Variants in TIAM1 observed in about 807,000 individuals in gnomAD.
TIAM1 encodes rho guanine nucleotide exchange factor TIAM1.
Under a neutral mutation model 163.5 loss-of-function variants are expected in TIAM1, and 65 were observed. That is an observed-to-expected ratio of 0.40 (90% CI 0.33 to 0.49). The LOEUF (loss-of-function observed/expected upper bound fraction) is 0.49. Among genes scored for constraint, TIAM1 ranks in the 20% least tolerant of loss-of-function variants. The pLI, the probability that TIAM1 is intolerant of heterozygous loss-of-function variation, is 0.77. For missense variants in TIAM1, 1,789 were observed against 2,044.7 expected (o/e 0.87, Z 2.41); for synonymous variants, 833 against 810.1 (o/e 1.03, Z -0.48).
intron 1 of TIAM1, among the ~76,000 whole-genome samples, chr21:31,516,704 G>T (rs1212818359): frequency 2.0e-5 from 3 of 150,014 alleles, no homozygotes; most frequent in Non-Finnish European, 4.4e-5. Flanking sequence ...AGAAAAGATA[G>T]ATAAAAATCA....
chr21:31,462,486 A>C (rs970740397), intron 2 of TIAM1, among the ~76,000 whole-genome samples: 5 of 152,214 alleles, frequency 3.3e-5, no homozygotes, highest in African/African-American at 1.2e-4. Context: ...AACCAAGTCG[A>C]GAGATATTAG....
In TIAM1 at chr21:31,184,378, T is replaced by C. The variant is rs58168317; in HGVS notation, c.2663-1733A>G. ...ACCTTGGCCTCCCAAAGTGCTGGGATTACAGGTGTGAGCCACCGTGCCCGG... is the reference window on the plus strand; with the variant it reads ...ACCTTGGCCTCCCAAAGTGCTGGGACTACAGGTGTGAGCCACCGTGCCCGG... On this transcript the variant is annotated intron_variant, in intron 14 of 27. Transcript: ENST00000541036. 2.0e-3 allele frequency among the ~76,000 whole-genome samples: 311 copies of C among 152,298 alleles called. 3 individuals are homozygous for C. Among genetic ancestry groups the C allele is most frequent in the African/African-American group, 6.9e-3 (286 of 41,558 alleles).
chr21:31,315,598 C>G (rs1359441135), intron 2 of TIAM1, among the ~76,000 whole-genome samples: 1 of 147,186 alleles, frequency 6.8e-6, no homozygotes, highest in Non-Finnish European at 1.5e-5. Context: ...TCACTTGAAC[C>G]AGGGAGGCGG....
At chr21:31,193,745 A>T (rs1601494326) in intron 13 of TIAM1, among the ~76,000 whole-genome samples, 2 of 152,216 alleles carry the variant, frequency 1.3e-5, no homozygotes, top group South Asian at 4.1e-4. Flanking sequence ...TGTAAAATCA[A>T]GCTGCACACA....
At chr21:31,425,560 T>C (rs1377760993) in intron 2 of TIAM1, among the ~76,000 whole-genome samples, 1 of 151,774 alleles carries the variant, frequency 6.6e-6, no homozygotes, top group African/African-American at 2.4e-5. Flanking sequence ...AACAAACTCC[T>C]ACATGATGCT....
At chr21:31,437,280 A>G (rs138004320) in intron 2 of TIAM1, among the ~76,000 whole-genome samples, 1 of 152,172 alleles carries the variant, frequency 6.6e-6, no homozygotes, top group East Asian at 1.9e-4. Context: ...TGTAATCCTA[A>G]GGATTGCTTG....
At chr21:31,218,768 T>A (rs967847269) in intron 8 of TIAM1, among the ~76,000 whole-genome samples, 16 of 152,098 alleles carry the variant, frequency 1.1e-4, no homozygotes, top group African/African-American at 3.1e-4. Context: ...CGCTATCCTA[T>A]CTGTTTTCTT....
At chr21:31,494,251 G>A (rs535670622) in intron 1 of TIAM1, among the ~76,000 whole-genome samples, 1 of 152,154 alleles carries the variant, frequency 6.6e-6, no homozygotes, top group African/African-American at 2.4e-5. Context: ...TACAGGCTCT[G>A]AACACACATA....
chr21:31,458,077 C>T (rs1187249516), intron 2 of TIAM1, among the ~76,000 whole-genome samples: 1 of 152,118 alleles, frequency 6.6e-6, no homozygotes, highest in Non-Finnish European at 1.5e-5. Flanking sequence ...AGTCAGACAC[C>T]TTGTATTACA....
intron 15 of TIAM1, among the ~76,000 whole-genome samples, chr21:31,180,662 T>C (rs926633483): frequency 2.6e-5 from 4 of 152,206 alleles, no homozygotes; most frequent in Non-Finnish European, 4.4e-5. Context: ...TAACATAATA[T>C]GTCTCATTCA....
At chr21:31,179,902 ATTTT>A (rs764892757) in intron 15 of TIAM1, among the ~76,000 whole-genome samples, 4 of 131,250 alleles carry the variant, frequency 3.0e-5, no homozygotes, top group African/African-American at 3.0e-5. Context: ...ACATACACAG[ATTTT>A]TTTTTTTTTT....
At chr21:31,131,001 C>T in intron 23 of TIAM1, 53 bp from the exon 24 acceptor site, 1 of 1,507,290 alleles carries the variant, frequency 6.6e-7, no homozygotes, top group African/African-American at 1.4e-5. Context: ...AGGGTTTTCC[C>T]CTTGACATCA....
chr21:31,512,621 T>TC (rs200041583), intron 1 of TIAM1, among the ~76,000 whole-genome samples: 8 of 129,726 alleles, frequency 6.2e-5, no homozygotes, highest in African/African-American at 7.8e-5. Flanking sequence ...TCTTTTCTTT[T>TC]TTTTTTTTTT....
At chr21:31,337,046 A>G (rs2075863593) in intron 2 of TIAM1, among the ~76,000 whole-genome samples, 1 of 152,210 alleles carries the variant, frequency 6.6e-6, no homozygotes, top group Non-Finnish European at 1.5e-5. Flanking sequence ...TCAAGAGACT[A>G]GACTCCATAG....
At chr21:31,408,319 T>G (rs1395966164) in intron 2 of TIAM1, among the ~76,000 whole-genome samples, 1 of 152,152 alleles carries the variant, frequency 6.6e-6, no homozygotes, top group Non-Finnish European at 1.5e-5. Flanking sequence ...AAAATTTAGG[T>G]CACTGACATC....
At chr21:31,187,601 A>G (rs2146462921) in intron 13 of TIAM1, among the ~76,000 whole-genome samples, 1 of 152,316 alleles carries the variant, frequency 6.6e-6, no homozygotes, top group East Asian at 1.9e-4. Flanking sequence ...AATGTGAATT[A>G]CACATTACAG....
At chr21:31,463,054 C>T (rs559263359) in intron 2 of TIAM1, among the ~76,000 whole-genome samples, 28 of 152,040 alleles carry the variant, frequency 1.8e-4, no homozygotes, top group South Asian at 8.3e-4. Context: ...CAGCCTGCCT[C>T]TTCTTATGTC....
intron 6 of TIAM1, among the ~76,000 whole-genome samples, chr21:31,226,580 G>C (rs1408434802): frequency 6.6e-6 from 1 of 152,126 alleles, no homozygotes; most frequent in Non-Finnish European, 1.5e-5. Context: ...AAAATGGTGA[G>C]CGACACCCAC....
At chr21:31,306,913 A>G (rs2074735140) in intron 2 of TIAM1, among the ~76,000 whole-genome samples, 1 of 152,214 alleles carries the variant, frequency 6.6e-6, no homozygotes. Flanking sequence ...GTGGCTGTAT[A>G]GAACAGTTGC....
Sources: gnomAD v4.1 joint callset for allele counts (sites outside exome capture counted in the v4.1 genomes callset) on GRCh38, gnomAD v4.1.1 for gene constraint, MANE v1.5 for transcripts, NCBI Gene and HGNC (gene_info 2026-07-23, HGNC 2026-07-21) for gene names.